The following ELMO1 variants were observed in gnomAD, a reference collection of about 807,000 sequenced individuals.
ELMO1 encodes engulfment and cell motility 1, also known as engulfment and cell motility protein 1.
ELMO1 carries 26 observed loss-of-function variants against 98.9 expected under a neutral mutation model. The ratio of observed to expected loss-of-function variants is 0.26; its 90% CI spans 0.19 to 0.36. ELMO1 has a LOEUF of 0.36. Ranked by LOEUF, ELMO1 falls within the 10% of genes least tolerant of loss-of-function variation. The pLI, the probability that ELMO1 is intolerant of heterozygous loss-of-function variation, is 1.00. For synonymous variants in ELMO1, 346 were observed against 346.0 expected (o/e 1.00, Z 0.00); for missense variants, 627 against 935.2 (o/e 0.67, Z 4.30).
intron 1 of ELMO1, among the ~76,000 whole-genome samples, chr7:37,420,356 C>T (rs770316113): frequency 2.0e-5 from 3 of 152,200 alleles, no homozygotes; most frequent in Non-Finnish European, 4.4e-5. Context: ...GCTAAGAAAC[C>T]GTAATCTTCA....
chr7:37,148,281 A>G (rs1788130804), intron 13 of ELMO1, among the ~76,000 whole-genome samples: 1 of 152,266 alleles, frequency 6.6e-6, no homozygotes, highest in Non-Finnish European at 1.5e-5. Context: ...AAGTCTTAAC[A>G]ATACAGAAAG....
chr7:37,102,566 T>G (rs74695784), intron 14 of ELMO1, among the ~76,000 whole-genome samples: 1,678 of 152,336 alleles, frequency 0.011, 36 homozygotes, highest in African/African-American at 0.037. Flanking sequence ...GCCATCAAGA[T>G]GGCAGCAAAA....
At chr7:36,869,246 A>AAAG (rs34636662) in intron 20 of ELMO1, among the ~76,000 whole-genome samples, 31,182 of 152,072 alleles carry the variant, frequency 0.21, 3,448 homozygotes, top group East Asian at 0.34. Context: ...TGGGCTCAAC[A>AAAG]AAGGAGTTCC....
chr7:37,360,014 C>T (rs933932126), intron 1 of ELMO1, among the ~76,000 whole-genome samples: 7 of 152,026 alleles, frequency 4.6e-5, no homozygotes, highest in Admixed American at 3.9e-4. Flanking sequence ...GTCAGCTCTG[C>T]GGAAAAATAC....
chr7:37,113,100 G>T (rs927908829), intron 14 of ELMO1, among the ~76,000 whole-genome samples: 1 of 152,212 alleles, frequency 6.6e-6, no homozygotes, highest in East Asian at 1.9e-4. Flanking sequence ...ACGGACAAAG[G>T]CCAGAAAGGC....
chr7:37,063,867 G>C (rs1259419013), intron 15 of ELMO1, among the ~76,000 whole-genome samples: 1 of 152,012 alleles, frequency 6.6e-6, no homozygotes, highest in East Asian at 1.9e-4. Flanking sequence ...CTTCAACCGG[G>C]GCAAAACCGC....
chr7:37,364,110 C>T (rs917616572), intron 1 of ELMO1, among the ~76,000 whole-genome samples: 1 of 152,136 alleles, frequency 6.6e-6, no homozygotes, highest in Non-Finnish European at 1.5e-5. Context: ...CAGACAATAC[C>T]CCCAACACCA....
intron 13 of ELMO1, among the ~76,000 whole-genome samples, chr7:37,178,702 G>C (rs1302835993): frequency 6.6e-6 from 1 of 152,116 alleles, no homozygotes; most frequent in Non-Finnish European, 1.5e-5. Flanking sequence ...AGTCAGGAGA[G>C]ACGTACCTCC....
chr7:37,373,053 G>C (rs1022404412), intron 1 of ELMO1, among the ~76,000 whole-genome samples: 2 of 152,196 alleles, frequency 1.3e-5, no homozygotes, highest in Non-Finnish European at 2.9e-5. Flanking sequence ...CATCACACAG[G>C]CAGGTAAATG....
chr7:36,859,615 G>C (rs1339570609), intron 21 of ELMO1, among the ~76,000 whole-genome samples: 2 of 152,142 alleles, frequency 1.3e-5, no homozygotes, highest in Non-Finnish European at 2.9e-5. Flanking sequence ...TTCCAGCTCT[G>C]TCCTCTTACT....
chr7:37,286,177 A>G (rs1231709209), intron 4 of ELMO1, among the ~76,000 whole-genome samples: 4 of 152,182 alleles, frequency 2.6e-5, no homozygotes, highest in African/African-American at 9.7e-5. Flanking sequence ...GTCTGTGGAG[A>G]GAGGATGAGA....
intron 15 of ELMO1, among the ~76,000 whole-genome samples, chr7:37,015,141 C>T (rs913585963): frequency 2.0e-5 from 3 of 151,904 alleles, no homozygotes; most frequent in Non-Finnish European, 2.9e-5. Flanking sequence ...TATGGTAATG[C>T]TGTTTTCCTC....
At position 37,091,607 on chromosome 7, in the gene ELMO1, G is replaced by A. The variant is rs576244685; in HGVS notation, c.1300+5012C>T. On this transcript the variant is annotated intron_variant, in intron 15 of 21. Transcript: ENST00000310758. ...TGCCCCCTCCACTCTCACTGACCCT[G>A]CACACACAGGGTCAGTGTGCAGGGA... Among the ~76,000 whole-genome samples the A allele has an allele frequency of 3.9e-5, 6 of 152,190 alleles. No individual in the cohort carries two copies. In the South Asian group the frequency reaches 1.2e-3, roughly 32 times the overall value.
chr7:37,034,308 A>G (rs13230570), intron 15 of ELMO1, among the ~76,000 whole-genome samples: 32,478 of 152,116 alleles, frequency 0.21, 4,351 homozygotes, highest in African/African-American at 0.38. Flanking sequence ...ATTTGAAGAC[A>G]CACGAGAATA....
chr7:37,120,207 C>T (rs1272019291), intron 14 of ELMO1, among the ~76,000 whole-genome samples: 2 of 152,186 alleles, frequency 1.3e-5, no homozygotes, highest in Admixed American at 6.5e-5. Flanking sequence ...CAGCTCCCAG[C>T]GTGAGCAACT....
intron 13 of ELMO1, among the ~76,000 whole-genome samples, chr7:37,173,095 C>T (rs1173600890): frequency 6.6e-6 from 1 of 152,210 alleles, no homozygotes; most frequent in Admixed American, 6.5e-5. Context: ...ATAGCATTTC[C>T]TGTATCTTAA....
intron 16 of ELMO1, among the ~76,000 whole-genome samples, chr7:36,912,018 G>A (rs1057484160): frequency 6.6e-6 from 1 of 152,182 alleles, no homozygotes; most frequent in Non-Finnish European, 1.5e-5. Flanking sequence ...ACCATGCAGA[G>A]AATGTACGTC....
At chr7:37,041,920 G>A in intron 15 of ELMO1, among the ~76,000 whole-genome samples, 1 of 152,116 alleles carries the variant, frequency 6.6e-6, no homozygotes, top group Non-Finnish European at 1.5e-5. Flanking sequence ...CAAAAGTAGA[G>A]AGATTCATCA....
intron 13 of ELMO1, among the ~76,000 whole-genome samples, chr7:37,177,672 A>G (rs973833966): frequency 2.6e-5 from 4 of 152,210 alleles, no homozygotes; most frequent in African/African-American, 9.7e-5. Flanking sequence ...CTAATGAGAG[A>G]AAGCTAGAGA....
Sources: allele counts gnomAD v4.1 joint callset (sites outside exome capture counted in the v4.1 genomes callset), GRCh38; gene constraint gnomAD v4.1.1; transcripts MANE v1.5; gene names NCBI Gene and HGNC (gene_info 2026-07-23, HGNC 2026-07-21).